The following SLC19A1 variants were observed in gnomAD, a reference collection of about 807,000 sequenced individuals.
SLC19A1 encodes the protein reduced folate transporter.
SLC19A1 carries 37 observed loss-of-function variants against 35.3 expected under a neutral mutation model. The ratio of observed to expected loss-of-function variants is 1.05; its 90% CI spans 0.81 to 1.38. The LOEUF (loss-of-function observed/expected upper bound fraction) is 1.38. SLC19A1 is among the 40% of genes most tolerant of loss of function. The pLI is 0.00. For missense variants in SLC19A1, 831 were observed against 826.9 expected (o/e 1.00, Z -0.06); for synonymous variants, 460 against 398.5 (o/e 1.15, Z -1.84).
intron 1 of SLC19A1, among the ~76,000 whole-genome samples, chr21:45,539,194 C>T (rs534145988): frequency 2.6e-5 from 4 of 152,362 alleles, no homozygotes; most frequent in East Asian, 1.9e-4. Flanking sequence ...AAGCCAACCC[C>T]GTGAGGCCAG....
At chr21:45,556,978 G>A (rs2078569525) in intron 1 of SLC19A1, among the ~76,000 whole-genome samples, 1 of 152,166 alleles carries the variant, frequency 6.6e-6, no homozygotes, top group African/African-American at 2.4e-5. Flanking sequence ...TGTGTCTCCT[G>A]GGACGGCGCC....
intron 3 of SLC19A1, chr21:45,506,368 C>A (rs139595039): frequency 2.8e-5 from 10 of 350,958 alleles, no homozygotes; most frequent in South Asian, 2.2e-4. Flanking sequence ...CAGGCTGTCC[C>A]GTGGCTCTGC....
chr21:45,561,245 G>A (rs958674815), intron 1 of SLC19A1, among the ~76,000 whole-genome samples: 3 of 152,226 alleles, frequency 2.0e-5, no homozygotes, highest in Non-Finnish European at 4.4e-5. Flanking sequence ...CCTAAAAGAT[G>A]TGCTAGAAAT....
At chr21:45,526,013 CA>C in intron 4 of SLC19A1, 55 bp from the exon 5 acceptor site, 1 of 1,590,060 alleles carries the variant, frequency 6.3e-7, no homozygotes, top group Non-Finnish European at 8.6e-7. Flanking sequence ...GCAGCAGCCA[CA>C]GGGAAAAGCC....
At chr21:45,546,860 T>A (rs2078421225), upstream of SLC19A1, among the ~76,000 whole-genome samples, 1 of 152,048 alleles carries the variant, frequency 6.6e-6, no homozygotes, top group Non-Finnish European at 1.5e-5. Context: ...TCCGCCACAA[T>A]CACAGGCATG....
chr21:45,539,407 T>C (rs2078235166), intron 1 of SLC19A1, among the ~76,000 whole-genome samples: 1 of 152,218 alleles, frequency 6.6e-6, no homozygotes, highest in Non-Finnish European at 1.5e-5. Flanking sequence ...AGTTGGACAA[T>C]TGTGCCTCGC....
chr21:45,555,181 T>C (rs376199470), intron 1 of SLC19A1, among the ~76,000 whole-genome samples: 15,290 of 24,950 alleles, frequency 0.61, 4,240 homozygotes, highest in Middle Eastern at 0.69. Flanking sequence ...CAGGGGGCGG[T>C]GCAGGGGGCG....
In SLC19A1 at chr21:45,514,957, G is replaced by T. The variant is rs12106470; in HGVS notation, c.*701C>A. 46 of 1,470,504 alleles carry T rather than the reference G, an allele frequency of 3.1e-5. No homozygotes were observed. The African/African-American group carries it at 6.3e-4, about 20-fold the overall frequency. The allele number at this position is 1,470,504 out of a possible 1,614,324, so 91.1% of individuals were successfully genotyped here. On this transcript the variant is annotated 3_prime_UTR_variant, in exon 6 of 6. Coordinates refer to ENST00000311124, the MANE Select transcript of SLC19A1 (RefSeq NM_194255.4). ...CCTCCGGGCTGGCACAAGTGTGGGAGCAGCTGAGGACCCGCAGGTCAGGAT... is the reference window on the plus strand; with the variant it reads ...CCTCCGGGCTGGCACAAGTGTGGGATCAGCTGAGGACCCGCAGGTCAGGAT...
chr21:45,534,397 T>C lies in SLC19A1; in HGVS notation c.190-2249A>G, dbSNP rs954751568. The stretch of plus-strand genomic sequence containing the variant: ...AGACACAGGAGGCTGCGTGGGGGCA[T>C]GACAGCCCCAGCCCCTGGCCGGGGC... On this transcript the variant is annotated intron_variant, in intron 2 of 5. Coordinates refer to ENST00000311124, the MANE Select transcript of SLC19A1 (RefSeq NM_194255.4). The surrounding 1 kb of genome is among the most constrained non-coding windows in gnomAD (Gnocchi z 4.2). 4.4e-6 allele frequency: 3 copies of C among 681,572 alleles called. No individual in the cohort carries two copies. Among genetic ancestry groups the C allele is most frequent in the African/African-American group, 3.6e-5 (2 of 55,170 alleles). 42.2% of individuals were successfully genotyped at this position (681,572 alleles called of 1,614,324 possible).
intron 3 of SLC19A1, chr21:45,505,731 A>G (rs1039214132): frequency 4.2e-6 from 4 of 949,842 alleles, no homozygotes; most frequent in African/African-American, 3.2e-5. Flanking sequence ...CACCTGTCCA[A>G]AGCCCTGCGG....
At position 45,513,761 on chromosome 21, in the gene SLC19A1, A is replaced by G. The variant is rs982675697; in HGVS notation, c.*1897T>C. The G allele has an allele frequency of 6.6e-6, 1 of 152,264 alleles. No individual in the cohort carries two copies. The highest frequency in any genetic ancestry group is 1.5e-5 in the Non-Finnish European group (1 of 68,040). The allele number at this position is 152,264 out of a possible 1,614,324, so 9.4% of individuals were successfully genotyped here. A position where few individuals can be genotyped will look rare whatever the true frequency, so the allele number is the denominator to read the frequency against. The stretch of plus-strand genomic sequence containing the variant: ...CAGCCTTCACTGTCACAGGAAGGAC[A>G]CAATTCTCCAAAAGGAGTTCTCAGG... On this transcript the variant is annotated 3_prime_UTR_variant, in exon 6 of 6. Coordinates refer to ENST00000311124, the MANE Select transcript of SLC19A1 (RefSeq NM_194255.4).
upstream of SLC19A1, among the ~76,000 whole-genome samples, chr21:45,548,017 T>C (rs2078431233): frequency 6.6e-6 from 1 of 152,236 alleles, no homozygotes; most frequent in South Asian, 2.1e-4. Flanking sequence ...TGCAAAAGAC[T>C]TACAATAGCC....
chr21:45,559,451 C>T (rs2078594713), intron 1 of SLC19A1, among the ~76,000 whole-genome samples: 1 of 152,196 alleles, frequency 6.6e-6, no homozygotes, highest in South Asian at 2.1e-4. Flanking sequence ...GCAGCATCCT[C>T]CGGAGACCAC....
chr21:45,532,143 CG>C lies in SLC19A1; in HGVS notation c.194del (p.Thr65ArgfsTer139). ...PDKNFTREQV[T>X]NEITPVLSYS... ...ACGACAGCACCGGCGTGATCTCGTT[CG>C]TGACCTGCGGACAGGCGGGCGTGCG... On this transcript the variant is annotated frameshift_variant, in exon 3 of 6. Transcript: ENST00000311124. LOFTEE classifies it high-confidence loss of function. The C allele has an allele frequency of 6.3e-7, 1 of 1,594,596 alleles. No individual in the cohort carries two copies. The highest frequency in any genetic ancestry group is 8.6e-7 in the Non-Finnish European group (1 of 1,167,824).
In SLC19A1 at chr21:45,504,100, A is replaced by G. The variant is rs1394722915; in HGVS notation, c.498-5488T>C. 7 of 1,598,486 alleles carry G rather than the reference A, an allele frequency of 4.4e-6. No homozygotes were observed. In the South Asian group the frequency reaches 4.4e-5, roughly 10 times the overall value. ...GTTGGGGGCCCCCAAGGTCCTGTACATCCCGCTGGGTGGCTGCTCCCAATT... is the reference window on the plus strand; with the variant it reads ...GTTGGGGGCCCCCAAGGTCCTGTACGTCCCGCTGGGTGGCTGCTCCCAATT... On this transcript the variant is annotated intron_variant, in intron 3 of 4. Coordinates refer to the SLC19A1 transcript ENST00000417954.
intron 1 of SLC19A1, among the ~76,000 whole-genome samples, chr21:45,562,097 C>T (rs1310788126): frequency 1.4e-5 from 2 of 145,562 alleles, no homozygotes; most frequent in Admixed American, 1.4e-4. Context: ...CGCCATTGCA[C>T]TCCAGTCTGG....
At chr21:45,527,399 G>A (rs1323930577) in intron 4 of SLC19A1, among the ~76,000 whole-genome samples, 4 of 145,782 alleles carry the variant, frequency 2.7e-5, no homozygotes, top group African/African-American at 7.7e-5. Context: ...AGGTTAGGAC[G>A]GGCCCTGGAG....
At position 45,505,017 on chromosome 21, in the gene SLC19A1, G is replaced by A. The variant is rs9980752; in HGVS notation, c.498-6405C>T. Reference sequence around the variant, plus strand: ...CTATGGCGTGGGCAGGGAGGGGACCGGTGACTCAGAGGCTGCGCTCGCCAA... The same window carrying A: ...CTATGGCGTGGGCAGGGAGGGGACCAGTGACTCAGAGGCTGCGCTCGCCAA... On this transcript the variant is annotated intron_variant, in intron 3 of 4. Coordinates refer to the SLC19A1 transcript ENST00000417954. The A allele has an allele frequency of 0.22, 291,987 of 1,318,600 alleles. 34,292 individuals are homozygous for A. Among genetic ancestry groups the A allele is most frequent in the East Asian group, 0.36 (14,248 of 40,016 alleles). 81.7% of individuals were successfully genotyped at this position (1,318,600 alleles called of 1,614,324 possible).
In SLC19A1 at chr21:45,515,397, C is replaced by A; in HGVS notation, c.*261G>T. The A allele has an allele frequency of 7.0e-7, 1 of 1,432,796 alleles. No homozygotes were observed. 88.8% of individuals were successfully genotyped at this position (1,432,796 alleles called of 1,614,324 possible). A position where few individuals can be genotyped will look rare whatever the true frequency, so the allele number is the denominator to read the frequency against. On this transcript the variant is annotated 3_prime_UTR_variant, in exon 6 of 6. Transcript: ENST00000311124. ...GCATGAGCCAGTGAGGCCTGGTGGA[C>A]GCAGAAGCCCACCACCCACCTCTTC... is the stretch of plus-strand genomic sequence containing the variant.
Sources: gnomAD v4.1 joint callset for allele counts (sites outside exome capture counted in the v4.1 genomes callset) on GRCh38, gnomAD v4.1.1 for gene constraint, Gnocchi (gnomAD v3.1) non-coding constraint, MANE v1.5 for transcripts, NCBI Gene and HGNC (gene_info 2026-07-23, HGNC 2026-07-21) for gene names.